EYA4: variants seen among roughly 807,000 people sequenced by gnomAD.
The protein encoded by EYA4 is EYA transcriptional coactivator and phosphatase 4.
Under a neutral mutation model 87.9 loss-of-function variants are expected in EYA4, and 31 were observed. That is an observed-to-expected ratio of 0.35 (90% CI 0.27 to 0.48). EYA4 has a LOEUF of 0.48. Among genes scored for constraint, EYA4 ranks in the 20% least tolerant of loss-of-function variants. The pLI is 0.99. For synonymous variants in EYA4, 263 were observed against 270.6 expected, an observed-to-expected ratio of 0.97 and a Z score of 0.28; for missense variants, 678 against 761.4, an observed-to-expected ratio of 0.89 and a Z score of 1.29.
At chr6:133,361,230 A>G (rs915210365) in intron 2 of EYA4, among the ~76,000 whole-genome samples, 2 of 152,228 alleles carry the variant, frequency 1.3e-5, no homozygotes, top group East Asian at 3.9e-4. Context: ...ACCTCCCTCC[A>G]TAGCAAAAGC....
At chr6:133,528,609 G>T (rs1800819436) in intron 19 of EYA4, 116 bp from the exon 20 acceptor site, 1 of 830,176 alleles carries the variant, frequency 1.2e-6, no homozygotes, top group South Asian at 1.3e-5. Context: ...CTGAACTTGG[G>T]TGGACCACAC....
Position 133,529,413 on chromosome 6 carries a change from C to G in EYA4, c.*608C>G. ...GGGAAATGGGAATATAATATTGTCTCTTTTTTAAGTTTGGCAAACAGAATG... is the reference window on the plus strand; with the variant it reads ...GGGAAATGGGAATATAATATTGTCTGTTTTTTAAGTTTGGCAAACAGAATG... On this transcript the variant is annotated 3_prime_UTR_variant, in exon 20 of 20. Coordinates refer to ENST00000355286, the MANE Select transcript of EYA4 (RefSeq NM_004100.5). 1.0e-6 allele frequency: 1 copy of G among 989,708 alleles called. No individual in the cohort carries two copies. Among genetic ancestry groups the G allele is most frequent in the Non-Finnish European group, 1.2e-6 (1 of 832,502 alleles). The allele number at this position is 989,708 out of a possible 1,614,324, so 61.3% of individuals were successfully genotyped here.
chr6:133,428,178 C>A (rs1225257378), intron 3 of EYA4, among the ~76,000 whole-genome samples: 4 of 152,004 alleles, frequency 2.6e-5, no homozygotes, highest in Non-Finnish European at 5.9e-5. Context: ...GTGGAGATAA[C>A]CAGTATAGAA....
At chr6:133,512,402 A>C (rs993662415) in intron 14 of EYA4, among the ~76,000 whole-genome samples, 1 of 152,194 alleles carries the variant, frequency 6.6e-6, no homozygotes, top group African/African-American at 2.4e-5. Context: ...CTGGAAGGGA[A>C]CTCAAATGCT....
rs1024690764 is a variant in EYA4, at chr6:133,515,618, TGTGA to T, written c.1616+187_1616+190del. On this transcript the variant is annotated intron_variant, in intron 17 of 19. Coordinates refer to ENST00000355286, the MANE Select transcript of EYA4 (RefSeq NM_004100.5). The stretch of plus-strand genomic sequence containing the variant: ...GAGAGAGAGAGAGAGAGAGTGTGTG[TGTGA>T]GTGTGTGTGTGTGTGTGTGTGTGTG... Among the ~76,000 whole-genome samples the T allele has an allele frequency of 9.8e-5, 10 of 102,216 alleles. No homozygotes were observed. In the East Asian group the frequency reaches 2.8e-3, roughly 28 times the overall value. The allele number at this position is 102,216 out of a possible 152,430, so 67.1% of individuals were successfully genotyped here.
At chr6:133,341,172 A>C (rs1184842169) in intron 2 of EYA4, among the ~76,000 whole-genome samples, 3 of 152,180 alleles carry the variant, frequency 2.0e-5, no homozygotes, top group African/African-American at 7.2e-5. Context: ...TGAGGAACTG[A>C]GTAAACACAG....
chr6:133,498,704 G>A (rs952675519), intron 13 of EYA4, among the ~76,000 whole-genome samples: 3 of 151,730 alleles, frequency 2.0e-5, no homozygotes, highest in African/African-American at 7.3e-5. Context: ...TAGTAAGTTT[G>A]TGTGTGCATG....
At chr6:133,448,039 A>C in intron 4 of EYA4, 72 bp from the exon 5 acceptor site, 1 of 1,167,066 alleles carries the variant, frequency 8.6e-7, no homozygotes, top group Non-Finnish European at 1.3e-6. Flanking sequence ...AACCAGTGCA[A>C]GCATTGAAGA....
intron 3 of EYA4, among the ~76,000 whole-genome samples, chr6:133,394,879 A>G (rs1787652696): frequency 6.6e-6 from 1 of 152,228 alleles, no homozygotes; most frequent in Non-Finnish European, 1.5e-5. Flanking sequence ...GAAGCCCAGT[A>G]TGCTTTAGTA....
chr6:133,465,613 C>T (rs1794774219), intron 10 of EYA4, among the ~76,000 whole-genome samples: 1 of 152,104 alleles, frequency 6.6e-6, no homozygotes, highest in East Asian at 1.9e-4. Context: ...ATCTTTTGTC[C>T]TTATTTTTTG....
At chr6:133,249,178 A>G (rs1016317910) in intron 1 of EYA4, among the ~76,000 whole-genome samples, 1 of 152,096 alleles carries the variant, frequency 6.6e-6, no homozygotes, top group Non-Finnish European at 1.5e-5. Flanking sequence ...TTGTATTCTT[A>G]TATTTTTACA....
At chr6:133,361,285 T>C (rs1299232333) in intron 2 of EYA4, among the ~76,000 whole-genome samples, 2 of 152,186 alleles carry the variant, frequency 1.3e-5, no homozygotes, top group Non-Finnish European at 2.9e-5. Flanking sequence ...AATGTCTTTC[T>C]TTGGAACCAA....
chr6:133,317,270 T>C (rs1244001967), intron 2 of EYA4, among the ~76,000 whole-genome samples: 1 of 152,216 alleles, frequency 6.6e-6, no homozygotes, highest in Non-Finnish European at 1.5e-5. Context: ...CAGATCTTCA[T>C]GATGCTTTGA....
intron 19 of EYA4, chr6:133,526,061 C>A (rs528504084): frequency 7.6e-6 from 2 of 264,644 alleles, no homozygotes; most frequent in Non-Finnish European, 1.2e-5. Flanking sequence ...AAGAAGAAAC[C>A]AAGGCAATTA....
chr6:133,457,324 C>A (rs1010321060), intron 6 of EYA4, among the ~76,000 whole-genome samples: 1 of 152,120 alleles, frequency 6.6e-6, no homozygotes, highest in East Asian at 1.9e-4. Flanking sequence ...TACAATATTT[C>A]TTCGGCTTTT....
At position 133,453,449 on chromosome 6, in the gene EYA4, G is replaced by A. The variant is rs114856681; in HGVS notation, c.278-3107G>A. On this transcript the variant is annotated intron_variant, in intron 5 of 19. Transcript: ENST00000355286. ...ATAAATATCAAGATAATACTTCTTC[G>A]TATTCTAACATGTCTTAATAAATCA... is the stretch of plus-strand genomic sequence containing the variant. 7.0e-3 allele frequency among the ~76,000 whole-genome samples: 1,070 copies of A among 151,816 alleles called. 10 individuals are homozygous for A. Among genetic ancestry groups the A allele is most frequent in the African/African-American group, 0.024 (975 of 41,468 alleles).
At chr6:133,340,265 C>T (rs1204741562) in intron 2 of EYA4, among the ~76,000 whole-genome samples, 2 of 152,260 alleles carry the variant, frequency 1.3e-5, no homozygotes, top group South Asian at 2.1e-4. Context: ...AGTGAAGCAA[C>T]GGATGGTATA....
At chr6:133,243,807 T>A (rs1343323387) in intron 1 of EYA4, among the ~76,000 whole-genome samples, 2 of 152,178 alleles carry the variant, frequency 1.3e-5, no homozygotes, top group Non-Finnish European at 2.9e-5. Flanking sequence ...ATTTGTGTAT[T>A]TTTAAAAATA....
Position 133,523,157 on chromosome 6 carries a change from T to C in EYA4, c.1718T>C (p.Ile573Thr). 1 of 1,612,374 alleles carries C rather than the reference T, an allele frequency of 6.2e-7. No individual in the cohort carries two copies. The highest frequency in any genetic ancestry group is 1.1e-5 in the South Asian group (1 of 91,052). Reference protein sequence around the residue: ...SLGGAFPIENIYSATKIGKES... With the variant: ...SLGGAFPIENTYSATKIGKES... ...GGAGGTGCTTTCCCCATTGAGAATA[T>C]TTACAGTGCAACTAAAATAGGTAAG... The change falls in exon 18 of 20, where the codon ATT becomes ACT. Residue 573 changes from isoleucine (I) to threonine (T), a missense_variant. By Grantham distance (89) the Ile-to-Thr change is moderately conservative. Transcript: ENST00000355286.
Sources: gnomAD v4.1 joint callset for allele counts (sites outside exome capture counted in the v4.1 genomes callset) on GRCh38, gnomAD v4.1.1 for gene constraint, MANE v1.5 for transcripts, NCBI Gene and HGNC (gene_info 2026-07-23, HGNC 2026-07-21) for gene names.